The following AGFG1 variants were observed in gnomAD, a reference collection of about 807,000 sequenced individuals.
The protein encoded by AGFG1 is arf-GAP domain and FG repeat-containing protein 1.
A neutral mutation model predicts 60.6 loss-of-function variants in AGFG1; 10 were observed. The ratio of observed to expected loss-of-function variants is 0.16; its 90% CI spans 0.10 to 0.28. AGFG1 has a LOEUF of 0.28. AGFG1 is among the 10% of genes least tolerant of loss of function. AGFG1 has a pLI of 1.00. For synonymous variants in AGFG1, 247 were observed against 242.9 expected (o/e 1.02, Z -0.16); for missense variants, 537 against 676.5 (o/e 0.79, Z 2.29).
At position 227,554,667 on chromosome 2, in the gene AGFG1, A is replaced by C. The variant is rs1342082771; in HGVS notation, c.*172A>C. The C allele has an allele frequency of 1.9e-6, 1 of 532,424 alleles. No individual in the cohort carries two copies. The highest frequency in any genetic ancestry group is 1.9e-5 in the African/African-American group (1 of 52,226). 33.0% of individuals were successfully genotyped at this position (532,424 alleles called of 1,614,324 possible). On this transcript the variant is annotated 3_prime_UTR_variant, in exon 13 of 13. Coordinates refer to ENST00000310078, the MANE Select transcript of AGFG1 (RefSeq NM_004504.5). Reference sequence around the variant, plus strand: ...TAATATGTGCAAAACCGAGGGCTCCAGTAACACCTTCTAACCTGTGAATTG... The same window carrying C: ...TAATATGTGCAAAACCGAGGGCTCCCGTAACACCTTCTAACCTGTGAATTG...
At position 227,559,080 on chromosome 2, in the gene AGFG1, C is replaced by G. The variant is rs1032446001; in HGVS notation, c.*4585C>G. 6.6e-6 allele frequency: 1 copy of G among 152,190 alleles called. No homozygotes were observed. The highest frequency in any genetic ancestry group is 1.5e-5 in the Non-Finnish European group (1 of 68,020). 9.4% of individuals were successfully genotyped at this position (152,190 alleles called of 1,614,324 possible). ...CTGCAAAGACCCAAGTATCGTGAAC[C>G]TTGGTTTTAAAAAGTCCAATTATTG... On this transcript the variant is annotated 3_prime_UTR_variant, in exon 13 of 13. Transcript: ENST00000310078.
intron 2 of AGFG1, among the ~76,000 whole-genome samples, chr2:227,515,638 T>G (rs957567478): frequency 6.6e-6 from 1 of 152,118 alleles, no homozygotes; most frequent in African/African-American, 2.4e-5. Flanking sequence ...CTACCTACTT[T>G]TACCTAAATA....
At chr2:227,535,806 A>T (rs1320272231) in intron 8 of AGFG1, among the ~76,000 whole-genome samples, 1 of 152,202 alleles carries the variant, frequency 6.6e-6, no homozygotes, top group Non-Finnish European at 1.5e-5. Flanking sequence ...AACATACTTT[A>T]TATATAATAC....
At chr2:227,480,088 G>C (rs1298520021) in intron 1 of AGFG1, among the ~76,000 whole-genome samples, 3 of 152,204 alleles carry the variant, frequency 2.0e-5, no homozygotes, top group African/African-American at 7.2e-5. Flanking sequence ...ACTGGAGCAT[G>C]CTCCAAGGAA....
intron 2 of AGFG1, among the ~76,000 whole-genome samples, chr2:227,507,873 T>C (rs934784370): frequency 1.3e-5 from 2 of 152,150 alleles, no homozygotes; most frequent in African/African-American, 4.8e-5. Context: ...ATTTGATATG[T>C]TTCACTCAGT....
At chr2:227,551,333 T>C (rs1006782409) in intron 10 of AGFG1, among the ~76,000 whole-genome samples, 14 of 152,140 alleles carry the variant, frequency 9.2e-5, no homozygotes, top group Admixed American at 6.5e-5. Flanking sequence ...TGTGTGTGTG[T>C]GTGTATGGAA....
At chr2:227,545,636 A>T (rs1273353254) in intron 10 of AGFG1, among the ~76,000 whole-genome samples, 2 of 152,044 alleles carry the variant, frequency 1.3e-5, no homozygotes, top group Non-Finnish European at 2.9e-5. Flanking sequence ...TGACCTACAG[A>T]TGGGGTTTTG....
chr2:227,479,873 C>G (rs1187689878), intron 1 of AGFG1, among the ~76,000 whole-genome samples: 2 of 152,192 alleles, frequency 1.3e-5, no homozygotes, highest in Non-Finnish European at 2.9e-5. Context: ...GAATGAAATT[C>G]ATGAGCTATT....
chr2:227,543,184 C>T (rs1057259434), intron 10 of AGFG1, among the ~76,000 whole-genome samples: 1 of 152,066 alleles, frequency 6.6e-6, no homozygotes, highest in Non-Finnish European at 1.5e-5. Context: ...TTAGTTATTT[C>T]TTATCTTCTG....
intron 10 of AGFG1, among the ~76,000 whole-genome samples, chr2:227,544,019 A>G (rs555798847): frequency 4.9e-4 from 73 of 149,792 alleles, no homozygotes; most frequent in African/African-American, 1.4e-3. Context: ...TTTGTTTTCT[A>G]TTTGCTTGGT....
chr2:227,500,941 C>G lies in AGFG1; in HGVS notation c.261+9301C>G, dbSNP rs564440581. ...CTGAGTAGCTGGGATTACAGGCGCTCGCCACCACGCCCAGCTAATTTTTTG... is the reference window on the plus strand; with the variant it reads ...CTGAGTAGCTGGGATTACAGGCGCTGGCCACCACGCCCAGCTAATTTTTTG... On this transcript the variant is annotated intron_variant, in intron 2 of 12. Coordinates refer to ENST00000310078, the MANE Select transcript of AGFG1 (RefSeq NM_004504.5). Among the ~76,000 whole-genome samples the G allele has an allele frequency of 1.5e-4, 23 of 152,020 alleles. No homozygotes were observed. In the South Asian group the frequency reaches 2.1e-3, roughly 14 times the overall value.
chr2:227,523,391 T>G (rs997806408), intron 3 of AGFG1, among the ~76,000 whole-genome samples: 1 of 152,194 alleles, frequency 6.6e-6, no homozygotes, highest in African/African-American at 2.4e-5. Context: ...CAAATGTTAT[T>G]TAGATCTTAA....
intron 2 of AGFG1, among the ~76,000 whole-genome samples, chr2:227,511,239 T>C (rs1217302007): frequency 1.3e-5 from 2 of 152,240 alleles, no homozygotes; most frequent in Admixed American, 6.5e-5. Context: ...ATTGTTTAGA[T>C]ATGCCTCTAA....
intron 2 of AGFG1, among the ~76,000 whole-genome samples, chr2:227,501,944 G>A (rs190630359): frequency 2.1e-4 from 32 of 152,018 alleles, no homozygotes; most frequent in Non-Finnish European, 4.3e-4. Flanking sequence ...CTGCAGCCTT[G>A]ACCACCTGTG....
chr2:227,490,493 G>C (rs1007116608), intron 1 of AGFG1, among the ~76,000 whole-genome samples: 4 of 151,904 alleles, frequency 2.6e-5, no homozygotes, highest in Admixed American at 6.6e-5. Flanking sequence ...CAGGAGAATG[G>C]CGTGAACCCG....
intron 2 of AGFG1, among the ~76,000 whole-genome samples, chr2:227,515,482 C>G (rs1481545663): frequency 6.6e-6 from 1 of 152,186 alleles, no homozygotes; most frequent in Non-Finnish European, 1.5e-5. Flanking sequence ...CAATCATCAG[C>G]ATCTCTATTC....
At position 227,474,311 on chromosome 2, in the gene AGFG1, A is replaced by G. The variant is rs555040176; in HGVS notation, c.167+1723A>G. Among the ~76,000 whole-genome samples, 7 of 152,350 alleles carry G rather than the reference A, an allele frequency of 4.6e-5. No homozygotes were observed. In the South Asian group the frequency reaches 8.3e-4, roughly 18 times the overall value. ...TTACTAAACACAGGTCCTTTAATCC[A>G]TGTAAAGTATTTGATTTGGAAAAAA... On this transcript the variant is annotated intron_variant, in intron 1 of 12. Coordinates refer to ENST00000310078, the MANE Select transcript of AGFG1 (RefSeq NM_004504.5).
chr2:227,491,978 T>G (rs1349680633), intron 2 of AGFG1, among the ~76,000 whole-genome samples: 1 of 152,136 alleles, frequency 6.6e-6, no homozygotes, highest in Non-Finnish European at 1.5e-5. Flanking sequence ...TTTTGTGATG[T>G]TGTGTTAAAC....
At chr2:227,525,726 A>G (rs1691972915) in intron 5 of AGFG1, among the ~76,000 whole-genome samples, 1 of 152,186 alleles carries the variant, frequency 6.6e-6, no homozygotes, top group Admixed American at 6.5e-5. Flanking sequence ...ATTTCTTGTT[A>G]TTAGGTTGTT....
Sources: allele counts gnomAD v4.1 joint callset (sites outside exome capture counted in the v4.1 genomes callset), GRCh38; gene constraint gnomAD v4.1.1; transcripts MANE v1.5; gene names NCBI Gene and HGNC (gene_info 2026-07-23, HGNC 2026-07-21).